The following WDFY4 variants were observed in gnomAD, a reference collection of about 807,000 sequenced individuals.
The protein encoded by WDFY4 is WDFY family member 4.
WDFY4 carries 169 observed loss-of-function variants against 351.9 expected under a neutral mutation model. That is an observed-to-expected ratio of 0.48 (90% CI 0.42 to 0.55). The LOEUF (loss-of-function observed/expected upper bound fraction) is 0.55, where lower values mean the gene tolerates loss of function less well. Ranked by LOEUF, WDFY4 falls within the 20% of genes least tolerant of loss-of-function variation. The pLI is 0.00. For synonymous variants in WDFY4, 1,622 were observed against 1,574.6 expected (o/e 1.03, Z -0.71); for missense variants, 3,803 against 3,935.6 (o/e 0.97, Z 0.90).
At chr10:48,920,753 G>C (rs755924091) in intron 47 of WDFY4, among the ~76,000 whole-genome samples, 5 of 152,180 alleles carry the variant, frequency 3.3e-5, no homozygotes, top group Non-Finnish European at 5.9e-5. Flanking sequence ...TGTCCACATA[G>C]AGAATCCCAC....
chr10:48,847,208 G>T (rs994810863), intron 39 of WDFY4, among the ~76,000 whole-genome samples: 7 of 152,088 alleles, frequency 4.6e-5, no homozygotes, highest in Admixed American at 2.6e-4. Context: ...TCCTCACGTG[G>T]TCTGTCCTCT....
intron 39 of WDFY4, among the ~76,000 whole-genome samples, chr10:48,860,289 A>C (rs544447438): frequency 2.5e-4 from 38 of 152,302 alleles, no homozygotes; most frequent in African/African-American, 9.1e-4. Context: ...TTATCAGCTC[A>C]GGCTGCTATT....
Position 48,743,238 on chromosome 10 carries a change from C to G in WDFY4, c.2149C>G (p.Leu717Val). ...TGAGAAGCTGGCCGAGGACCTCTGC[C>G]TGCTGGGCTGTTTTGGAGCCCTGGA... ...LFEKLAEDLC[L>V]LGCFGALEEE... Residue 717 changes from leucine to valine, a missense_variant, in exon 12 of 62, where the codon CTG (leucine) becomes GTG (valine). Transcript: ENST00000325239. 2 of 1,551,726 alleles carry G rather than the reference C, an allele frequency of 1.3e-6. No homozygotes were observed. Among genetic ancestry groups the G allele is most frequent in the Non-Finnish European group, 1.7e-6 (2 of 1,146,992 alleles).
intron 47 of WDFY4, chr10:48,913,419 A>T (rs377553914): frequency 3.1e-6 from 5 of 1,611,466 alleles, no homozygotes; most frequent in Non-Finnish European, 4.2e-6. Context: ...GTCCTTGGCC[A>T]TGGAATTGGG....
intron 43 of WDFY4, among the ~76,000 whole-genome samples, chr10:48,889,733 G>A (rs576405753): frequency 6.6e-6 from 1 of 152,202 alleles, no homozygotes; most frequent in Non-Finnish European, 1.5e-5. Context: ...GTCAGGTTCT[G>A]CACGGAGAAA....
At chr10:48,814,685 A>T (rs971356755) in intron 31 of WDFY4, among the ~76,000 whole-genome samples, 2 of 152,248 alleles carry the variant, frequency 1.3e-5, no homozygotes, top group Non-Finnish European at 2.9e-5. Flanking sequence ...CACCAAAGGC[A>T]ATTGGAGGCC....
intron 39 of WDFY4, among the ~76,000 whole-genome samples, chr10:48,852,696 C>T (rs945377930): frequency 1.3e-5 from 2 of 152,204 alleles, no homozygotes; most frequent in Non-Finnish European, 2.9e-5. Flanking sequence ...TCATCCCCAT[C>T]TGCAGCCATC....
At position 48,890,694 on chromosome 10, in the gene WDFY4, G is replaced by A. The variant is rs41283283; in HGVS notation, c.7283G>A (p.Gly2428Asp). 2 of 1,551,496 alleles carry A rather than the reference G, an allele frequency of 1.3e-6. No individual in the cohort carries two copies. The highest frequency in any genetic ancestry group is 2.0e-5 in the Admixed American group (1 of 50,964). ...GAGAACTTCACACTGTCTCCCACGG[G>A]TGATGTCTACTGTACCCGTCACTGC... Reference protein sequence around the residue: ...ICENFTLSPTGDVYCTRHCLS... With the variant: ...ICENFTLSPTDDVYCTRHCLS... Residue 2428 changes from glycine to aspartate, a missense_variant, in exon 44 of 62, where the codon GGT becomes GAT. Physicochemically the swap from Gly to Asp is moderately conservative, Grantham distance 94. Around this residue, in one of 3 missense-constraint regions of WDFY4, gnomAD observed 3,054 missense variants for 3,148.6 expected, o/e 0.97. Transcript: ENST00000325239.
intron 44 of WDFY4, among the ~76,000 whole-genome samples, chr10:48,891,994 T>C (rs11101553): frequency 0.055 from 8,423 of 152,318 alleles, 787 homozygotes; most frequent in African/African-American, 0.19. Flanking sequence ...TCATACCAAA[T>C]GTTCACCGAT....
intron 47 of WDFY4, among the ~76,000 whole-genome samples, chr10:48,907,577 C>T (rs1837682190): frequency 1.3e-5 from 2 of 152,046 alleles, no homozygotes; most frequent in South Asian, 4.1e-4. Flanking sequence ...CTTAAAAAAC[C>T]TACCATAAGA....
In WDFY4 at chr10:48,796,468, C is replaced by T; in HGVS notation, c.4410+18C>T. The T allele has an allele frequency of 1.3e-6, 2 of 1,547,478 alleles. No individual in the cohort carries two copies. Among genetic ancestry groups the T allele is most frequent in the African/African-American group, 1.4e-5 (1 of 73,118 alleles). ...ATTTCGAGGTAAATCAGAGATTGGCCCTTAGTCCTTCAGGAGTGTGTGTGA... is the reference window on the plus strand; with the variant it reads ...ATTTCGAGGTAAATCAGAGATTGGCTCTTAGTCCTTCAGGAGTGTGTGTGA... On this transcript the variant is annotated intron_variant, in intron 24 of 61. Coordinates refer to ENST00000325239, the MANE Select transcript of WDFY4 (RefSeq NM_001394531.1).
chr10:48,836,301 T>C (rs1464426279), intron 39 of WDFY4, among the ~76,000 whole-genome samples: 1 of 152,226 alleles, frequency 6.6e-6, no homozygotes, highest in African/African-American at 2.4e-5. Context: ...GACTCCGTTA[T>C]TGGTTTTTCC....
chr10:48,949,801 C>T (rs73298910), intron 51 of WDFY4, among the ~76,000 whole-genome samples: 4,962 of 152,266 alleles, frequency 0.033, 290 homozygotes, highest in African/African-American at 0.11. Flanking sequence ...CGTGGTGAGC[C>T]TGGGGCTCAT....
At chr10:48,884,615 G>A (rs1450424394) in intron 43 of WDFY4, among the ~76,000 whole-genome samples, 1 of 151,830 alleles carries the variant, frequency 6.6e-6, no homozygotes, top group Non-Finnish European at 1.5e-5. Context: ...GTGTGCACGT[G>A]CACACACACA....
chr10:48,728,756 T>G (rs1442654715), intron 7 of WDFY4, among the ~76,000 whole-genome samples: 2 of 152,278 alleles, frequency 1.3e-5, no homozygotes, highest in South Asian at 2.1e-4. Flanking sequence ...CGGAGGTCTG[T>G]GTCATAGCAT....
chr10:48,867,125 G>T (rs2069572544), intron 39 of WDFY4, 140 bp from the exon 40 acceptor site: 2 of 260,164 alleles, frequency 7.7e-6, no homozygotes, highest in South Asian at 1.1e-4. Context: ...AGCCAAGATT[G>T]TGCCACTGCA....
intron 11 of WDFY4, among the ~76,000 whole-genome samples, chr10:48,737,710 G>C (rs753233547): frequency 5.3e-5 from 8 of 152,332 alleles, no homozygotes; most frequent in Non-Finnish European, 1.0e-4. Context: ...AAAAAGGAAA[G>C]TTAAATACCT....
chr10:48,789,363 C>T (rs568160053), intron 21 of WDFY4, among the ~76,000 whole-genome samples: 1 of 152,276 alleles, frequency 6.6e-6, no homozygotes, highest in African/African-American at 2.4e-5. Flanking sequence ...CAGAGGGTAC[C>T]CCCAGAGGAT....
intron 16 of WDFY4, 53 bp from the exon 17 acceptor site, chr10:48,777,366 G>T (rs779923577): frequency 6.7e-7 from 1 of 1,483,370 alleles, no homozygotes; most frequent in Non-Finnish European, 9.2e-7. Context: ...AGCTGTGTCA[G>T]TGCAAGAGAT....
Sources: gnomAD v4.1 joint callset for allele counts (sites outside exome capture counted in the v4.1 genomes callset) on GRCh38, gnomAD v4.1.1 for gene constraint, gnomAD v4.1.1 regional missense constraint, MANE v1.5 for transcripts, NCBI Gene and HGNC (gene_info 2026-07-23, HGNC 2026-07-21) for gene names.